CALY: variants seen among roughly 807,000 people sequenced by gnomAD.
CALY encodes the protein neuron-specific vesicular protein calcyon.
Under a neutral mutation model 20.2 loss-of-function variants are expected in CALY, and 15 were observed. The ratio of observed to expected loss-of-function variants is 0.74; its 90% confidence interval spans 0.50 to 1.14. The LOEUF (loss-of-function observed/expected upper bound fraction) is 1.14, where lower values mean the gene tolerates loss of function less well. CALY is among the 50% of genes most tolerant of loss of function. CALY has a pLI of 0.00. For synonymous variants in CALY, 129 were observed against 131.8 expected (o/e 0.98, Z 0.15); for missense variants, 270 against 304.4 (o/e 0.89, Z 0.84).
rs761249449 is a variant in CALY at position 133,325,959 on chromosome 10, C to T, written c.522G>A (p.Glu174=). ...CAGCCTGGGTGGGCCCCTTGCGCTC[C>T]TCCTTGGCTGCGCGGTAGCCGTCCC... ...AWGDGYRAAK[E]ERKGPTQAGA... is the part of the protein sequence containing the mutation. The change falls in exon 5 of 6, where the codon GAG becomes GAA. Residue 174 remains glutamate (E), a synonymous_variant. Coordinates refer to ENST00000252939, the MANE Select transcript of CALY (RefSeq NM_015722.4). 2.6e-6 allele frequency: 4 copies of T among 1,536,182 alleles called. No homozygotes were observed. The African/African-American group carries it at 4.2e-5, about 16-fold the overall frequency.
At chr10:133,335,387 C>T (rs920216239) in intron 1 of CALY, among the ~76,000 whole-genome samples, 24 of 152,188 alleles carry the variant, frequency 1.6e-4, no homozygotes, top group Non-Finnish European at 8.8e-5. Context: ...GGCAGGACCC[C>T]CGCCAGGAGG....
In CALY at chr10:133,324,692, T is replaced by C. The variant is rs1332893976; in HGVS notation, c.*903A>G. On this transcript the variant is annotated 3_prime_UTR_variant, in exon 6 of 6. Transcript: ENST00000252939. ...GGTGGTGCAGGTGGTGGGTGAGATC[T>C]GCCGGAAGTCCATTCCCTGTAGTGT... 1.4e-5 allele frequency: 5 copies of C among 349,238 alleles called. No homozygotes were observed. Among genetic ancestry groups the C allele is most frequent in the South Asian group, 1.0e-4 (5 of 48,432 alleles). The allele number at this position is 349,238 out of a possible 1,614,324, so 21.6% of individuals were successfully genotyped here.
intron 3 of CALY, 144 bp from the exon 4 acceptor site, chr10:133,327,135 T>C: frequency 1.6e-6 from 1 of 644,766 alleles, no homozygotes; most frequent in Non-Finnish European, 2.8e-6. Context: ...CAGTGGCTTT[T>C]CCAACTTTTC....
intron 1 of CALY, among the ~76,000 whole-genome samples, chr10:133,332,414 T>TA (rs1328481000): frequency 6.6e-6 from 1 of 152,174 alleles, no homozygotes; most frequent in Non-Finnish European, 1.5e-5. Flanking sequence ...TCAAAGATAA[T>TA]ACAGAAGAAG....
At chr10:133,328,519 G>A (rs985517723) in intron 2 of CALY, among the ~76,000 whole-genome samples, 1 of 152,234 alleles carries the variant, frequency 6.6e-6, no homozygotes, top group African/African-American at 2.4e-5. Context: ...CAGATCTCAG[G>A]CTAAACCCAG....
intron 1 of CALY, among the ~76,000 whole-genome samples, chr10:133,330,990 G>T (rs192141093): frequency 2.6e-4 from 40 of 152,338 alleles, no homozygotes; most frequent in Admixed American, 7.8e-4. Flanking sequence ...TTCTGGAAAT[G>T]AAGTTTGGCT....
chr10:133,326,513 A>G (rs961951877), intron 4 of CALY, among the ~76,000 whole-genome samples: 1 of 152,236 alleles, frequency 6.6e-6, no homozygotes, highest in South Asian at 2.1e-4. Flanking sequence ...ATTTAAAAAA[A>G]AAAAGGATGG....
At chr10:133,325,752 G>C in intron 5 of CALY, 47 bp downstream of exon 5, 1 of 887,070 alleles carries the variant, frequency 1.1e-6, no homozygotes, top group Non-Finnish European at 1.5e-6. Context: ...GGGAGGCCAG[G>C]AAGAGACCTG....
At chr10:133,335,181 G>A (rs940263256) in intron 1 of CALY, among the ~76,000 whole-genome samples, 10 of 152,270 alleles carry the variant, frequency 6.6e-5, no homozygotes, top group African/African-American at 2.4e-4. Context: ...GGCCCGCGGG[G>A]GTGGGGGTGC....
chr10:133,326,310 G>T (rs749792548), intron 4 of CALY, 190 bp from the exon 5 acceptor site: 2 of 1,539,162 alleles, frequency 1.3e-6, no homozygotes, highest in Non-Finnish European at 1.8e-6. Context: ...GAGGTCGCGC[G>T]TTGTAAGGGG....
intron 1 of CALY, among the ~76,000 whole-genome samples, chr10:133,335,900 GCAGATGGA>G (rs1340084369): frequency 3.9e-5 from 6 of 152,158 alleles, no homozygotes; most frequent in Non-Finnish European, 8.8e-5. Context: ...GTGAGGCCGT[GCAGATGGA>G]CAGATGGATG....
chr10:133,328,167 C>T (rs1848245799), intron 2 of CALY, 152 bp from the exon 3 acceptor site: 1 of 628,508 alleles, frequency 1.6e-6, no homozygotes, highest in Non-Finnish European at 2.8e-6. Flanking sequence ...GGCAGGGCTC[C>T]AGCAGCCACA....
intron 3 of CALY, chr10:133,327,341 G>A: frequency 2.0e-6 from 1 of 494,104 alleles, no homozygotes. Flanking sequence ...GTCGGAGGCT[G>A]CACTCACCAG....
intron 1 of CALY, among the ~76,000 whole-genome samples, chr10:133,333,900 A>G (rs1398093706): frequency 5.7e-5 from 1 of 17,658 alleles, no homozygotes; most frequent in African/African-American, 2.9e-4. Context: ...AAGGCTCTGA[A>G]GGGGAAGCTC....
At chr10:133,327,834 G>A (rs1477767435) in intron 3 of CALY, 71 bp downstream of exon 3, 1 of 1,023,784 alleles carries the variant, frequency 9.8e-7, no homozygotes. Context: ...CGGAACCCAG[G>A]CACCCCCAGC....
intron 1 of CALY, among the ~76,000 whole-genome samples, chr10:133,334,657 T>C (rs1429383003): frequency 6.7e-6 from 1 of 150,164 alleles, no homozygotes; most frequent in African/African-American, 2.5e-5. Context: ...AGGTGGCAGC[T>C]TCTGCGTGGG....
chr10:133,334,831 C>T (rs1163868899), intron 1 of CALY, among the ~76,000 whole-genome samples: 1 of 152,070 alleles, frequency 6.6e-6, no homozygotes, highest in Non-Finnish European at 1.5e-5. Context: ...CTAACCCGTG[C>T]CCCTCGTTGT....
chr10:133,328,719 G>T, intron 2 of CALY, 136 bp downstream of exon 2: 2 of 1,012,548 alleles, frequency 2.0e-6, no homozygotes, highest in Non-Finnish European at 1.4e-6. Flanking sequence ...GCCAGCTGGG[G>T]CTTTGGCCCC....
chr10:133,326,713 T>C (rs1848218803), intron 4 of CALY, among the ~76,000 whole-genome samples, 165 bp downstream of exon 4: 1 of 152,220 alleles, frequency 6.6e-6, no homozygotes, highest in African/African-American at 2.4e-5. Flanking sequence ...ATCTTTTCTT[T>C]TAAATTTTCA....
Sources: gnomAD v4.1 joint callset for allele counts (sites outside exome capture counted in the v4.1 genomes callset) on GRCh38, gnomAD v4.1.1 for gene constraint, MANE v1.5 for transcripts, NCBI Gene and HGNC (gene_info 2026-07-23, HGNC 2026-07-21) for gene names.